The following ATP8A1 variants were observed in gnomAD, a reference collection of about 807,000 sequenced individuals.
ATP8A1 encodes ATPase phospholipid transporting 8A1, also known as phospholipid-transporting ATPase IA.
In ATP8A1, 90 loss-of-function variants were observed where a neutral mutation model predicts 177.7. The ratio of observed to expected loss-of-function variants is 0.51; its 90% CI spans 0.43 to 0.60. ATP8A1 has a LOEUF of 0.60. ATP8A1 is among the 20% of genes least tolerant of loss of function. The pLI is 0.00. For synonymous variants in ATP8A1, 493 were observed against 485.9 expected (o/e 1.01, Z -0.19); for missense variants, 1,072 against 1,392.8 (o/e 0.77, Z 3.67).
intron 27 of ATP8A1, chr4:42,459,252 A>G (rs1260055822): frequency 6.4e-6 from 1 of 155,148 alleles, no homozygotes; most frequent in African/African-American, 2.4e-5. Flanking sequence ...GTTTAGGGTT[A>G]ATCAACCACA....
intron 20 of ATP8A1, among the ~76,000 whole-genome samples, chr4:42,526,682 G>C (rs1205514864): frequency 1.3e-5 from 2 of 152,038 alleles, no homozygotes; most frequent in East Asian, 3.9e-4. Context: ...CCTTGTGATT[G>C]TGTGAGTTAA....
chr4:42,587,509 T>C (rs1422726226), intron 8 of ATP8A1, among the ~76,000 whole-genome samples: 1 of 152,014 alleles, frequency 6.6e-6, no homozygotes, highest in South Asian at 2.1e-4. Context: ...GGTTTCACCA[T>C]GTTGGTCAGG....
At chr4:42,627,323 T>C (rs1378951280) in intron 1 of ATP8A1, among the ~76,000 whole-genome samples, 1 of 152,160 alleles carries the variant, frequency 6.6e-6, no homozygotes, top group African/African-American at 2.4e-5. Context: ...CTGAGCCATA[T>C]CAAAAACAAG....
At chr4:42,493,380 T>C (rs756526464) in intron 24 of ATP8A1, among the ~76,000 whole-genome samples, 1 of 152,122 alleles carries the variant, frequency 6.6e-6, no homozygotes, top group Non-Finnish European at 1.5e-5. Context: ...CCCTAATGAA[T>C]GATAAAAGTT....
intron 25 of ATP8A1, among the ~76,000 whole-genome samples, chr4:42,475,915 T>A (rs1578010270): frequency 6.6e-6 from 1 of 151,956 alleles, no homozygotes; most frequent in African/African-American, 2.4e-5. Flanking sequence ...GGCGGGCGCC[T>A]GTAATCCCAG....
At chr4:42,563,192 G>C (rs910559605) in intron 15 of ATP8A1, among the ~76,000 whole-genome samples, 18 of 152,326 alleles carry the variant, frequency 1.2e-4, no homozygotes, top group African/African-American at 4.3e-4. Flanking sequence ...GGCTGAGGTA[G>C]TCTCAGATGC....
intron 14 of ATP8A1, 130 bp from the exon 15 acceptor site, chr4:42,569,335 T>C: frequency 1.8e-6 from 1 of 544,932 alleles, no homozygotes; most frequent in South Asian, 2.9e-5. Context: ...AACTTTTAGT[T>C]GAATCTGAAA....
chr4:42,451,352 G>A (rs1403741459), intron 30 of ATP8A1, among the ~76,000 whole-genome samples: 1 of 152,166 alleles, frequency 6.6e-6, no homozygotes, highest in Non-Finnish European at 1.5e-5. Flanking sequence ...TCTTCCCGAG[G>A]ATCTCAAGGC....
intron 12 of ATP8A1, among the ~76,000 whole-genome samples, chr4:42,576,681 C>T (rs570149992): frequency 2.0e-5 from 3 of 152,132 alleles, no homozygotes; most frequent in Admixed American, 6.6e-5. Context: ...GCCCATCTCT[C>T]CCATGTCTGT....
intron 1 of ATP8A1, among the ~76,000 whole-genome samples, chr4:42,652,825 GA>G (rs1294085309): frequency 6.6e-6 from 1 of 152,198 alleles, no homozygotes; most frequent in Non-Finnish European, 1.5e-5. Flanking sequence ...CCAGCCATGT[GA>G]AACTGAGTCC....
At chr4:42,630,012 G>A (rs1375138810) in intron 1 of ATP8A1, among the ~76,000 whole-genome samples, 1 of 152,196 alleles carries the variant, frequency 6.6e-6, no homozygotes, top group Non-Finnish European at 1.5e-5. Flanking sequence ...TGGGTTAAAG[G>A]TGAAAACACA....
chr4:42,486,733 AT>A (rs1235966688), intron 24 of ATP8A1, among the ~76,000 whole-genome samples: 1 of 152,210 alleles, frequency 6.6e-6, no homozygotes, highest in African/African-American at 2.4e-5. Flanking sequence ...TTGTGAGACC[AT>A]ATTTTTACTG....
At chr4:42,430,786 C>A (rs540348136) in intron 33 of ATP8A1, among the ~76,000 whole-genome samples, 9 of 152,098 alleles carry the variant, frequency 5.9e-5, no homozygotes, top group African/African-American at 2.2e-4. Flanking sequence ...TTACTAGTCA[C>A]CCCCTCCCTC....
At chr4:42,594,399 T>A in intron 6 of ATP8A1, 1 of 1,150,230 alleles carries the variant, frequency 8.7e-7, no homozygotes, top group Non-Finnish European at 1.3e-6. Flanking sequence ...TTATCTGCAT[T>A]GAAAGATAGT....
intron 15 of ATP8A1, among the ~76,000 whole-genome samples, chr4:42,562,960 T>C (rs1165018530): frequency 6.6e-6 from 1 of 152,164 alleles, no homozygotes; most frequent in African/African-American, 2.4e-5. Context: ...TTATCAGCAG[T>C]GTGAAAACAG....
intron 33 of ATP8A1, among the ~76,000 whole-genome samples, chr4:42,425,532 CAG>C (rs953597897): frequency 9.9e-5 from 15 of 152,138 alleles, no homozygotes; most frequent in African/African-American, 3.6e-4. Context: ...GCATTAAAGA[CAG>C]AGAGTCTCTT....
At chr4:42,627,217 C>T in intron 1 of ATP8A1, 108 bp from the exon 2 acceptor site, 1 of 715,978 alleles carries the variant, frequency 1.4e-6, no homozygotes, top group South Asian at 1.9e-5. Context: ...TACTTGCTTC[C>T]CCTTAACTGT....
intron 22 of ATP8A1, among the ~76,000 whole-genome samples, chr4:42,516,790 T>A (rs12499004): frequency 6.6e-6 from 1 of 151,860 alleles, no homozygotes; most frequent in Non-Finnish European, 1.5e-5. Flanking sequence ...ACATAATTTA[T>A]GTGTCTTAGA....
At position 42,582,328 on chromosome 4, in the gene ATP8A1, C is replaced by A. The variant is rs898946068; in HGVS notation, c.723-596G>T. On this transcript the variant is annotated intron_variant, in intron 9 of 36. Coordinates refer to ENST00000381668, the MANE Select transcript of ATP8A1 (RefSeq NM_006095.2). ...CAGCCTGAGCAAGCTAATACATTAACCAAAATAATAGGTAATGTTTTGGAA... is the reference window on the plus strand; with the variant it reads ...CAGCCTGAGCAAGCTAATACATTAAACAAAATAATAGGTAATGTTTTGGAA... Among the ~76,000 whole-genome samples, 2 of 152,072 alleles carry A rather than the reference C, an allele frequency of 1.3e-5. 1 individual carries two copies.
Sources: gnomAD v4.1 joint callset for allele counts (sites outside exome capture counted in the v4.1 genomes callset) on GRCh38, gnomAD v4.1.1 for gene constraint, MANE v1.5 for transcripts, NCBI Gene and HGNC (gene_info 2026-07-23, HGNC 2026-07-21) for gene names.